PHLDB2: variants seen among roughly 807,000 people sequenced by gnomAD.
PHLDB2 encodes pleckstrin homology-like domain family B member 2.
Under a neutral mutation model 123.6 loss-of-function variants are expected in PHLDB2, and 71 were observed. The ratio of observed to expected loss-of-function variants is 0.57; its 90% CI spans 0.47 to 0.70. The LOEUF (loss-of-function observed/expected upper bound fraction) is 0.70. Among genes scored for constraint, PHLDB2 ranks in the 30% least tolerant of loss-of-function variants. PHLDB2 has a pLI of 0.00. For missense variants in PHLDB2, 1,446 were observed against 1,519.5 expected (o/e 0.95, Z 0.80); for synonymous variants, 547 against 541.6 (o/e 1.01, Z -0.14).
chr3:111,905,455 C>T (rs2067456260), intron 2 of PHLDB2, among the ~76,000 whole-genome samples: 1 of 152,012 alleles, frequency 6.6e-6, no homozygotes, highest in Admixed American at 6.6e-5. Flanking sequence ...CTCCCAGGCT[C>T]AAGTGATCCT....
At chr3:111,823,078 C>G (rs1296012274) in intron 1 of PHLDB2, among the ~76,000 whole-genome samples, 1 of 152,208 alleles carries the variant, frequency 6.6e-6, no homozygotes, top group Non-Finnish European at 1.5e-5. Context: ...CATAGTACCA[C>G]CAAGGTGATG....
intron 1 of PHLDB2, among the ~76,000 whole-genome samples, chr3:111,832,362 T>C (rs1315100720): frequency 6.7e-6 from 1 of 149,620 alleles, no homozygotes; most frequent in Non-Finnish European, 1.5e-5. Flanking sequence ...AAATATAATA[T>C]GTTCTTATTT....
intron 1 of PHLDB2, among the ~76,000 whole-genome samples, chr3:111,810,510 G>T (rs1467668312): frequency 6.6e-6 from 1 of 152,042 alleles, no homozygotes; most frequent in Non-Finnish European, 1.5e-5. Context: ...TTTCCTTGGT[G>T]CATGTATGTG....
chr3:111,937,246 T>C (rs1365810137), intron 6 of PHLDB2, among the ~76,000 whole-genome samples: 2 of 152,216 alleles, frequency 1.3e-5, no homozygotes, highest in African/African-American at 4.8e-5. Context: ...TAGAAATACA[T>C]TTCATTTTAT....
chr3:111,974,564 T>G lies in PHLDB2; in HGVS notation c.*1T>G, dbSNP rs755007891. On this transcript the variant is annotated 3_prime_UTR_variant, in exon 18 of 18. Transcript: ENST00000431670. The stretch of plus-strand genomic sequence containing the variant: ...AGGTTACACTCACTTCTTGTTGTAG[T>G]GAACTGAGGCAACAGTCCACTTCAG... 6.2e-7 allele frequency: 1 copy of G among 1,609,936 alleles called. No individual in the cohort carries two copies. The highest frequency in any genetic ancestry group is 8.5e-7 in the Non-Finnish European group (1 of 1,178,326).
chr3:111,789,704 T>G (rs1258546414), intron 1 of PHLDB2, among the ~76,000 whole-genome samples: 1 of 150,910 alleles, frequency 6.6e-6, no homozygotes, highest in Non-Finnish European at 1.5e-5. Context: ...TAATAATATA[T>G]ATTATGTGCT....
At chr3:111,778,578 G>C (rs900011736) in intron 1 of PHLDB2, 2 of 152,136 alleles carry the variant, frequency 1.3e-5, no homozygotes, top group African/African-American at 4.8e-5. Flanking sequence ...CCCACCCTCA[G>C]AGCCGTAACT....
In PHLDB2 at chr3:111,844,054, A is replaced by G. The variant is rs570812210; in HGVS notation, c.-48-1767A>G. 9.4e-4 allele frequency among the ~76,000 whole-genome samples: 143 copies of G among 152,140 alleles called. 2 individuals are homozygous for G. Among genetic ancestry groups the G allele is most frequent in the African/African-American group, 3.3e-3 (138 of 41,504 alleles). ...GCATCTACCCTTACCTGCTTTCACTACCCATGCTCTTGAGATAAAAAGAGC... is the reference window on the plus strand; with the variant it reads ...GCATCTACCCTTACCTGCTTTCACTGCCCATGCTCTTGAGATAAAAAGAGC... On this transcript the variant is annotated intron_variant, in intron 1 of 17. Transcript: ENST00000393923.
intron 1 of PHLDB2, among the ~76,000 whole-genome samples, chr3:111,776,570 C>G (rs2060271179): frequency 6.6e-6 from 1 of 152,200 alleles, no homozygotes; most frequent in Admixed American, 6.6e-5. Flanking sequence ...TGCCTAGATA[C>G]TAAATCAACT....
intron 1 of PHLDB2, among the ~76,000 whole-genome samples, chr3:111,750,917 GC>G (rs2059759301): frequency 6.8e-6 from 1 of 146,926 alleles, no homozygotes; most frequent in Non-Finnish European, 1.5e-5. Flanking sequence ...CTGCACTCCA[GC>G]CTGGGCGACA....
At chr3:111,932,489 A>G in intron 6 of PHLDB2, 92 bp downstream of exon 6, 1 of 1,339,570 alleles carries the variant, frequency 7.5e-7, no homozygotes, top group Middle Eastern at 1.9e-4. Flanking sequence ...GACTTCATAT[A>G]GCATAAGTTT....
chr3:111,877,585 T>C (rs1314661129), intron 1 of PHLDB2, among the ~76,000 whole-genome samples: 2 of 152,230 alleles, frequency 1.3e-5, no homozygotes, highest in Admixed American at 6.5e-5. Flanking sequence ...ATCCCATTTG[T>C]CAATTTTGAC....
chr3:111,751,743 ACGAGT>A (rs1420975410), intron 1 of PHLDB2, among the ~76,000 whole-genome samples: 2 of 151,778 alleles, frequency 1.3e-5, no homozygotes, highest in African/African-American at 2.4e-5. Context: ...ATGCTAAATG[ACGAGT>A]TAATGGGTGC....
intron 1 of PHLDB2, among the ~76,000 whole-genome samples, chr3:111,789,202 C>T (rs1241468090): frequency 2.0e-5 from 3 of 152,212 alleles, no homozygotes; most frequent in Non-Finnish European, 2.9e-5. Context: ...ATGCCTGTTG[C>T]TCAAGGTTCT....
intron 1 of PHLDB2, among the ~76,000 whole-genome samples, chr3:111,764,626 T>G (rs1395857385): frequency 4.6e-5 from 7 of 152,196 alleles, no homozygotes; most frequent in Non-Finnish European, 1.5e-5. Context: ...ATTTTCAGAT[T>G]ATATGAAATT....
chr3:111,859,947 G>T, intron 1 of PHLDB2: 1 of 980,692 alleles, frequency 1.0e-6, no homozygotes, highest in East Asian at 1.1e-4. Flanking sequence ...AGCCCGGGCT[G>T]GGGTCGGCAG....
intron 1 of PHLDB2, among the ~76,000 whole-genome samples, chr3:111,784,724 A>C (rs1250983931): frequency 6.6e-6 from 1 of 152,180 alleles, no homozygotes; most frequent in African/African-American, 2.4e-5. Context: ...TATGCAATAT[A>C]CACATAAATT....
chr3:111,964,546 T>G (rs7648369), intron 13 of PHLDB2, among the ~76,000 whole-genome samples: 2,374 of 152,020 alleles, frequency 0.016, 67 homozygotes, highest in African/African-American at 0.048. Flanking sequence ...TTCACCATGT[T>G]GGCCAGGCTG....
intron 1 of PHLDB2, among the ~76,000 whole-genome samples, chr3:111,883,124 A>AT (rs551055587): frequency 2.0e-5 from 3 of 151,878 alleles, no homozygotes; most frequent in Admixed American, 6.6e-5. Flanking sequence ...ATCTAAGAAA[A>AT]TTTTTTTTTA....
Sources: gnomAD v4.1 joint callset for allele counts (sites outside exome capture counted in the v4.1 genomes callset) on GRCh38, gnomAD v4.1.1 for gene constraint, MANE v1.5 for transcripts, NCBI Gene and HGNC (gene_info 2026-07-23, HGNC 2026-07-21) for gene names.